CD84: variants seen among roughly 807,000 people sequenced by gnomAD.
The protein encoded by CD84 is SLAM family member 5.
CD84 carries 22 observed loss-of-function variants against 33.8 expected under a neutral mutation model. That is an observed-to-expected ratio of 0.65 (90% CI 0.46 to 0.93). The LOEUF (loss-of-function observed/expected upper bound fraction) is 0.93, where lower values mean the gene tolerates loss of function less well. Ranked by LOEUF, CD84 falls within the 40% of genes least tolerant of loss-of-function variation. CD84 has a pLI of 0.00. For missense variants in CD84, 400 were observed against 397.6 expected (o/e 1.01, Z -0.05); for synonymous variants, 154 against 145.2 (o/e 1.06, Z -0.44).
intron 2 of CD84, among the ~76,000 whole-genome samples, chr1:160,562,584 A>G (rs766384014): frequency 1.3e-5 from 2 of 152,224 alleles, no homozygotes; most frequent in Non-Finnish European, 2.9e-5. Context: ...GGTGAATTAA[A>G]GACTTAAATG....
intron 6 of CD84, among the ~76,000 whole-genome samples, chr1:160,549,515 A>C (rs1243253362): frequency 6.6e-6 from 1 of 152,190 alleles, no homozygotes; most frequent in Non-Finnish European, 1.5e-5. Flanking sequence ...ATGAACTGAA[A>C]TTCAGCTTCT....
In CD84 at chr1:160,549,912, G is replaced by T; in HGVS notation, c.921+5C>A. On this transcript the variant is annotated splice_donor_5th_base_variant and intron_variant, in intron 6 of 6. Coordinates refer to ENST00000368054, the MANE Select transcript of CD84 (RefSeq NM_003874.4). ...AGCAAGGATAAAAAGCCAGAAAGGG[G>T]TTACCTTATCAGCAAACTGCACTTC... 1 of 1,606,346 alleles carries T rather than the reference G, an allele frequency of 6.2e-7. No homozygotes were observed. Among genetic ancestry groups the T allele is most frequent in the South Asian group, 1.1e-5 (1 of 90,916 alleles).
intron 2 of CD84, 127 bp downstream of exon 2, chr1:160,565,277 A>G (rs1277194134): frequency 7.6e-6 from 5 of 654,176 alleles, no homozygotes; most frequent in Non-Finnish European, 1.0e-5. Context: ...TTGATGTATC[A>G]ATATGTAAGT....
At chr1:160,553,169 T>A (rs773775542) in intron 4 of CD84, 5 of 780,284 alleles carry the variant, frequency 6.4e-6, no homozygotes, top group Non-Finnish European at 1.1e-5. Context: ...CACCAGCTAC[T>A]GGTGATCTCA....
At chr1:160,576,349 A>T (rs1286737165) in intron 1 of CD84, among the ~76,000 whole-genome samples, 2 of 152,214 alleles carry the variant, frequency 1.3e-5, no homozygotes, top group African/African-American at 4.8e-5. Context: ...TAAAGAAACT[A>T]ATTCAAATCA....
At chr1:160,569,472 C>G (rs993147425) in intron 1 of CD84, among the ~76,000 whole-genome samples, 1 of 151,980 alleles carries the variant, frequency 6.6e-6, no homozygotes, top group African/African-American at 2.4e-5. Context: ...AAGACAGATT[C>G]TCTGCCTTTC....
At chr1:160,576,518 G>C (rs945484493) in intron 1 of CD84, among the ~76,000 whole-genome samples, 1 of 152,178 alleles carries the variant, frequency 6.6e-6, no homozygotes, top group African/African-American at 2.4e-5. Context: ...GAAAGGCACA[G>C]ATTCTATCCG....
At chr1:160,551,140 G>T (rs1429182216) in intron 4 of CD84, 105 bp from the exon 5 acceptor site, 3 of 841,340 alleles carry the variant, frequency 3.6e-6, no homozygotes, top group Non-Finnish European at 6.0e-6. Flanking sequence ...AAGCCCCCAG[G>T]GATTAAATGG....
chr1:160,549,837 C>T, intron 6 of CD84, 80 bp downstream of exon 6: 1 of 1,047,348 alleles, frequency 9.5e-7, no homozygotes, highest in Non-Finnish European at 1.5e-6. Context: ...AACCAGCTAG[C>T]CCCTGGTTGG....
intron 1 of CD84, among the ~76,000 whole-genome samples, chr1:160,570,442 G>A (rs967362389): frequency 6.6e-6 from 1 of 152,116 alleles, no homozygotes; most frequent in African/African-American, 2.4e-5. Flanking sequence ...ATTTTTAGCA[G>A]GGCATAGAGC....
At chr1:160,564,789 A>T (rs1277729229) in intron 2 of CD84, among the ~76,000 whole-genome samples, 1 of 152,158 alleles carries the variant, frequency 6.6e-6, no homozygotes, top group Non-Finnish European at 1.5e-5. Context: ...ATAAAGGGAG[A>T]GTATGAGGGA....
chr1:160,554,115 A>T lies in CD84; in HGVS notation c.420T>A (p.Ser140Arg). 6.2e-7 allele frequency: 1 copy of T among 1,613,260 alleles called. No individual in the cohort carries two copies. The highest frequency in any genetic ancestry group is 8.5e-7 in the Non-Finnish European group (1 of 1,179,532). ...AGGTGCTGTTCACAGATGCCATTAA[A>T]CTCTGTGTAATTTTTGGTTTCCCAA... ...RRLGKPKITQ[S>R]LMASVNSTCN... Residue 140 changes from serine to arginine, a missense_variant, in exon 3 of 7, where the codon AGT becomes AGA. Ser to Arg is a moderately radical substitution (Grantham distance 110). Coordinates refer to ENST00000368054, the MANE Select transcript of CD84 (RefSeq NM_003874.4).
At position 160,554,146 on chromosome 1, in the gene CD84, C is replaced by T. The variant is rs2102142450; in HGVS notation, c.389G>A (p.Arg130His). 1.2e-6 allele frequency: 2 copies of T among 1,607,724 alleles called. No individual in the cohort carries two copies. Among genetic ancestry groups the T allele is most frequent in the Non-Finnish European group, 1.7e-6 (2 of 1,176,228 alleles). Reference protein sequence around the residue: ...TTKRYNLQIYRRLGKPKITQS... With the variant: ...TTKRYNLQIYHRLGKPKITQS... ...TGTAATTTTTGGTTTCCCAAGCCGA[C>T]CTGTGGGGGCAAACACATGAGCCAA... The change falls in exon 3 of 7, where the codon CGT becomes CAT. Residue 130 changes from arginine (R) to histidine (H), a missense_variant and splice_region_variant. Transcript: ENST00000368054.
intron 1 of CD84, among the ~76,000 whole-genome samples, chr1:160,566,497 G>A (rs1173855861): frequency 6.6e-6 from 1 of 152,170 alleles, no homozygotes; most frequent in Non-Finnish European, 1.5e-5. Flanking sequence ...TTCAGGATCA[G>A]TTTTGCTCCA....
chr1:160,555,081 C>CTTT (rs35518975), intron 2 of CD84, among the ~76,000 whole-genome samples: 1 of 138,518 alleles, frequency 7.2e-6, no homozygotes, highest in East Asian at 2.1e-4. Context: ...ATGAAATAAT[C>CTTT]TTTTTTTTTT....
chr1:160,564,378 G>A (rs1657184717), intron 2 of CD84, among the ~76,000 whole-genome samples: 1 of 152,154 alleles, frequency 6.6e-6, no homozygotes, highest in African/African-American at 2.4e-5. Flanking sequence ...TTTTAAAGCT[G>A]TAAATGCCCT....
intron 1 of CD84, among the ~76,000 whole-genome samples, chr1:160,574,114 C>CAA (rs200259393): frequency 1.1e-5 from 1 of 88,244 alleles, no homozygotes; most frequent in Admixed American, 1.1e-4. Context: ...CAAAAACAAA[C>CAA]AAAAAAAAAC....
At chr1:160,567,815 G>C (rs192987149) in intron 1 of CD84, among the ~76,000 whole-genome samples, 231 of 152,250 alleles carry the variant, frequency 1.5e-3, no homozygotes, top group Non-Finnish European at 1.5e-3. Flanking sequence ...GGGCTGACGG[G>C]TTCTAGGAGA....
chr1:160,578,315 C>G (rs768889846), intron 1 of CD84, among the ~76,000 whole-genome samples: 2 of 152,098 alleles, frequency 1.3e-5, no homozygotes, highest in Non-Finnish European at 2.9e-5. Context: ...TAGGGACATC[C>G]CTAGTACCAT....
Sources: gnomAD v4.1 joint callset for allele counts (sites outside exome capture counted in the v4.1 genomes callset) on GRCh38, gnomAD v4.1.1 for gene constraint, MANE v1.5 for transcripts, NCBI Gene and HGNC (gene_info 2026-07-23, HGNC 2026-07-21) for gene names.